Variants in PPP2R2B observed in about 807,000 individuals in gnomAD.
The protein encoded by PPP2R2B is protein phosphatase 2 regulatory subunit Bbeta.
A neutral mutation model predicts 46.0 loss-of-function variants in PPP2R2B; 5 were observed. The observed-to-expected ratio is 0.11, with a 90% confidence interval of 0.06 to 0.23. The LOEUF (loss-of-function observed/expected upper bound fraction) is 0.23, where lower values mean the gene tolerates loss of function less well. PPP2R2B is among the 10% of genes least tolerant of loss of function. PPP2R2B has a pLI of 1.00. For synonymous variants in PPP2R2B, 215 were observed against 206.7 expected, an observed-to-expected ratio of 1.04 and a Z score of -0.34; for missense variants, 367 against 575.0, an observed-to-expected ratio of 0.64 and a Z score of 3.70.
At chr5:146,780,307 A>T (rs1014555544) in intron 2 of PPP2R2B, among the ~76,000 whole-genome samples, 6 of 152,222 alleles carry the variant, frequency 3.9e-5, no homozygotes, top group African/African-American at 9.6e-5. Context: ...ATTATTTTTT[A>T]AAATGGGCAA....
At chr5:147,077,796 T>G (rs567549047) in intron 2 of PPP2R2B, among the ~76,000 whole-genome samples, 2 of 152,316 alleles carry the variant, frequency 1.3e-5, no homozygotes, top group South Asian at 4.1e-4. Flanking sequence ...AAATAGGGAT[T>G]GTCATTTTGA....
chr5:147,015,857 A>G (rs1421093646), intron 1 of PPP2R2B, among the ~76,000 whole-genome samples: 1 of 151,190 alleles, frequency 6.6e-6, no homozygotes, highest in Non-Finnish European at 1.5e-5. Flanking sequence ...GAAATCCCTT[A>G]TTTTCTCAAT....
chr5:146,832,230 C>G (rs1459488842), intron 2 of PPP2R2B, among the ~76,000 whole-genome samples: 5 of 151,992 alleles, frequency 3.3e-5, no homozygotes, highest in Non-Finnish European at 5.9e-5. Context: ...TTTAGCATAG[C>G]CTAGGTTTAC....
chr5:146,748,051 C>G (rs937498607), intron 2 of PPP2R2B, among the ~76,000 whole-genome samples: 1 of 152,176 alleles, frequency 6.6e-6, no homozygotes, highest in African/African-American at 2.4e-5. Flanking sequence ...CTACTGAGCT[C>G]TTGGCCAAAC....
rs144623186 is a variant in PPP2R2B, at chr5:146,953,637, T to A, written c.79+102028A>T. ...AAATGAATCCCACCAAGTGAAGAAGTTAATATGGCAAAATGGCCAATGTTT... is the reference window on the plus strand; with the variant it reads ...AAATGAATCCCACCAAGTGAAGAAGATAATATGGCAAAATGGCCAATGTTT... On this transcript the variant is annotated intron_variant, in intron 1 of 8. Transcript: ENST00000336640. Among the ~76,000 whole-genome samples the A allele has an allele frequency of 5.2e-3, 785 of 152,262 alleles. 5 individuals are homozygous for A. The highest frequency in any genetic ancestry group is 0.018 in the African/African-American group (735 of 41,542).
intron 1 of PPP2R2B, among the ~76,000 whole-genome samples, chr5:146,914,795 A>G (rs896161437): frequency 9.9e-5 from 15 of 152,210 alleles, no homozygotes; most frequent in African/African-American, 3.6e-4. Flanking sequence ...TGGTAGCCCA[A>G]ATGGAAGATC....
At chr5:147,060,269 A>G (rs1478551660), upstream of PPP2R2B, among the ~76,000 whole-genome samples, 3 of 152,194 alleles carry the variant, frequency 2.0e-5, no homozygotes, top group African/African-American at 4.8e-5. Flanking sequence ...TATTTATTGA[A>G]TACTTACTTA....
At chr5:146,730,991 A>T (rs1350007511) in intron 2 of PPP2R2B, among the ~76,000 whole-genome samples, 2 of 152,202 alleles carry the variant, frequency 1.3e-5, no homozygotes, top group Non-Finnish European at 2.9e-5. Context: ...AGGGTTAGAG[A>T]GGAAGATTCA....
chr5:146,708,268 G>C (rs1165245728), intron 2 of PPP2R2B, among the ~76,000 whole-genome samples: 3 of 150,624 alleles, frequency 2.0e-5, no homozygotes, highest in African/African-American at 7.3e-5. Context: ...GAGGTGGGAG[G>C]ATCACTTGAG....
intron 2 of PPP2R2B, among the ~76,000 whole-genome samples, chr5:146,785,276 G>GT (rs1755766013): frequency 6.6e-6 from 1 of 152,144 alleles, no homozygotes; most frequent in South Asian, 2.1e-4. Context: ...GCCAGGCACC[G>GT]TGTCTCATGC....
chr5:147,033,903 T>A (rs1755910841), intron 1 of PPP2R2B, among the ~76,000 whole-genome samples: 1 of 152,166 alleles, frequency 6.6e-6, no homozygotes, highest in South Asian at 2.1e-4. Flanking sequence ...CCCTATCATT[T>A]ATCTCCACAC....
At chr5:146,931,151 G>A (rs903642044) in intron 1 of PPP2R2B, among the ~76,000 whole-genome samples, 5 of 152,066 alleles carry the variant, frequency 3.3e-5, no homozygotes, top group African/African-American at 1.2e-4. Flanking sequence ...TTGAAAGGAG[G>A]AGAAAGTGAT....
At chr5:146,825,012 C>T (rs1758487117) in intron 2 of PPP2R2B, among the ~76,000 whole-genome samples, 1 of 152,192 alleles carries the variant, frequency 6.6e-6, no homozygotes. Context: ...GCGTGAGCCA[C>T]CGCACCCAGC....
intron 2 of PPP2R2B, among the ~76,000 whole-genome samples, chr5:146,741,201 G>A (rs375181971): frequency 3.5e-4 from 53 of 152,160 alleles, no homozygotes; most frequent in African/African-American, 1.3e-3. Context: ...TGGAGCACAT[G>A]CAGTAAGGAA....
intron 2 of PPP2R2B, among the ~76,000 whole-genome samples, chr5:146,774,566 C>T (rs1755058815): frequency 6.6e-6 from 1 of 152,002 alleles, no homozygotes; most frequent in Non-Finnish European, 1.5e-5. Flanking sequence ...CCTATAATCC[C>T]AGCACTTTGG....
intron 2 of PPP2R2B, among the ~76,000 whole-genome samples, chr5:146,745,889 C>T (rs546903536): frequency 5.1e-4 from 77 of 151,726 alleles, no homozygotes; most frequent in Non-Finnish European, 8.8e-4. Flanking sequence ...ACCCAGGAGG[C>T]GGAGGCTGCA....
At chr5:146,819,378 A>G (rs1320414565) in intron 2 of PPP2R2B, among the ~76,000 whole-genome samples, 1 of 152,190 alleles carries the variant, frequency 6.6e-6, no homozygotes, top group African/African-American at 2.4e-5. Context: ...AATCATCTGG[A>G]GTAAATAGAA....
intron 1 of PPP2R2B, among the ~76,000 whole-genome samples, chr5:146,892,165 G>A (rs1273246830): frequency 6.6e-6 from 1 of 152,110 alleles, no homozygotes; most frequent in African/African-American, 2.4e-5. Context: ...TTGAGTCTGA[G>A]CTCAGAGGGA....
chr5:147,065,091 A>G (rs1339357041), intron 2 of PPP2R2B, among the ~76,000 whole-genome samples: 1 of 152,230 alleles, frequency 6.6e-6, no homozygotes, highest in Non-Finnish European at 1.5e-5. Flanking sequence ...TAGTTGTAGC[A>G]GACATGTTAG....
Sources: gnomAD v4.1 joint callset for allele counts (sites outside exome capture counted in the v4.1 genomes callset) on GRCh38, gnomAD v4.1.1 for gene constraint, MANE v1.5 for transcripts, NCBI Gene and HGNC (gene_info 2026-07-23, HGNC 2026-07-21) for gene names.